DLGAP2: variants seen among roughly 807,000 people sequenced by gnomAD.
DLGAP2 encodes the protein DLG associated protein 2.
In DLGAP2, 26 loss-of-function variants were observed where a neutral mutation model predicts 100.3. The ratio of observed to expected loss-of-function variants is 0.26; its 90% CI spans 0.19 to 0.36. The LOEUF is 0.36. Ranked by LOEUF, DLGAP2 falls within the 10% of genes least tolerant of loss-of-function variation. The probability of loss-of-function intolerance (pLI) is 1.00; values close to 1 mark genes in which losing one functional copy is unlikely to be tolerated. For missense variants in DLGAP2, 1,858 were observed against 1,453.2 expected, an observed-to-expected ratio of 1.28 and a Z score of -4.53; for synonymous variants, 886 against 630.1, an observed-to-expected ratio of 1.41 and a Z score of -6.08.
chr8:1,164,550 G>A (rs180738513), intron 2 of DLGAP2, among the ~76,000 whole-genome samples: 46 of 152,116 alleles, frequency 3.0e-4, no homozygotes, highest in Non-Finnish European at 4.0e-4. Context: ...GTGGTGCCAC[G>A]GATGCTGCCC....
intron 1 of DLGAP2, among the ~76,000 whole-genome samples, chr8:794,655 C>G (rs1046404064): frequency 1.4e-5 from 2 of 147,852 alleles, no homozygotes; most frequent in African/African-American, 2.4e-5. Flanking sequence ...CCTGTAAACC[C>G]ACAACCTTCC....
At chr8:1,021,148 T>C (rs953160385) in intron 2 of DLGAP2, among the ~76,000 whole-genome samples, 4 of 152,218 alleles carry the variant, frequency 2.6e-5, no homozygotes, top group African/African-American at 9.6e-5. Context: ...AGTATATTCT[T>C]GGGAGTAAAT....
At chr8:1,359,709 A>C (rs1349390259) in intron 3 of DLGAP2, among the ~76,000 whole-genome samples, 1 of 152,240 alleles carries the variant, frequency 6.6e-6, no homozygotes, top group East Asian at 1.9e-4. Flanking sequence ...CTCAGCTCTT[A>C]TAAAACCCGC....
At chr8:877,474 C>T (rs1797706514) in intron 1 of DLGAP2, among the ~76,000 whole-genome samples, 1 of 152,216 alleles carries the variant, frequency 6.6e-6, no homozygotes, top group African/African-American at 2.4e-5. Flanking sequence ...GGCTTTCTTC[C>T]TCTCTGTCCC....
At chr8:1,330,368 GTTC>G (rs1460603263) in intron 3 of DLGAP2, among the ~76,000 whole-genome samples, 1 of 147,686 alleles carries the variant, frequency 6.8e-6, no homozygotes, top group Non-Finnish European at 1.5e-5. Flanking sequence ...GTGGGACTGA[GTTC>G]TGGGTGGGAG....
At chr8:1,638,720 G>A (rs1483366044) in intron 8 of DLGAP2, among the ~76,000 whole-genome samples, 1 of 152,184 alleles carries the variant, frequency 6.6e-6, no homozygotes, top group Non-Finnish European at 1.5e-5. Flanking sequence ...AGCCGTGGAT[G>A]AGGCCCAGAA....
At chr8:950,923 C>T (rs898753785) in intron 2 of DLGAP2, among the ~76,000 whole-genome samples, 2 of 151,854 alleles carry the variant, frequency 1.3e-5, no homozygotes, top group Non-Finnish European at 2.9e-5. Context: ...CGCGCTCGGC[C>T]CTAGAATATT....
At chr8:1,360,453 T>A (rs1801958090) in intron 3 of DLGAP2, among the ~76,000 whole-genome samples, 1 of 136,496 alleles carries the variant, frequency 7.3e-6, no homozygotes, top group South Asian at 2.6e-4. Flanking sequence ...TTTTGCCCAC[T>A]CCAGGAAGCA....
chr8:1,295,497 C>A (rs1800150743), intron 3 of DLGAP2, among the ~76,000 whole-genome samples: 1 of 152,172 alleles, frequency 6.6e-6, no homozygotes, highest in African/African-American at 2.4e-5. Flanking sequence ...CACTCTCTGT[C>A]CACCGTGATC....
chr8:1,653,572 C>G (rs533941278), intron 8 of DLGAP2, among the ~76,000 whole-genome samples: 2 of 152,212 alleles, frequency 1.3e-5, no homozygotes, highest in African/African-American at 4.8e-5. Context: ...GCAGGACCAA[C>G]GGCAGCCCTC....
At chr8:1,294,925 T>C (rs1800137489) in intron 3 of DLGAP2, among the ~76,000 whole-genome samples, 1 of 152,064 alleles carries the variant, frequency 6.6e-6, no homozygotes, top group African/African-American at 2.4e-5. Flanking sequence ...TATGTAGCAG[T>C]TGATGACTTG....
At chr8:1,623,580 C>T (rs1314292979) in intron 6 of DLGAP2, among the ~76,000 whole-genome samples, 1 of 151,152 alleles carries the variant, frequency 6.6e-6, no homozygotes, top group Non-Finnish European at 1.5e-5. Flanking sequence ...GATGACCTGA[C>T]ACCAGTGTGT....
At chr8:1,606,426 A>G (rs1218764430) in intron 6 of DLGAP2, among the ~76,000 whole-genome samples, 2 of 151,656 alleles carry the variant, frequency 1.3e-5, no homozygotes, top group African/African-American at 4.9e-5. Flanking sequence ...AACTCCTCCA[A>G]CCCCTGGCAA....
At chr8:1,264,872 G>C (rs372806329) in intron 3 of DLGAP2, among the ~76,000 whole-genome samples, 1 of 152,086 alleles carries the variant, frequency 6.6e-6, no homozygotes, top group Non-Finnish European at 1.5e-5. Context: ...AGTCTTTCCC[G>C]TGCTGTTCTC....
At chr8:949,564 A>G (rs1217610209) in intron 2 of DLGAP2, among the ~76,000 whole-genome samples, 1 of 152,176 alleles carries the variant, frequency 6.6e-6, no homozygotes, top group Admixed American at 6.5e-5. Flanking sequence ...AGGACCCCAC[A>G]CGTGGGCGCG....
intron 4 of DLGAP2, among the ~76,000 whole-genome samples, chr8:1,547,500 A>C (rs1355477759): frequency 6.6e-6 from 1 of 151,698 alleles, no homozygotes; most frequent in African/African-American, 2.4e-5. Context: ...CCTGGGATGG[A>C]GGAGGCAGAT....
intron 6 of DLGAP2, among the ~76,000 whole-genome samples, chr8:1,567,585 C>A (rs962515813): frequency 6.6e-6 from 1 of 152,210 alleles, no homozygotes; most frequent in African/African-American, 2.4e-5. Context: ...ATCACTGCCA[C>A]GGGTCCCCCA....
intron 2 of DLGAP2, among the ~76,000 whole-genome samples, chr8:1,055,666 C>T (rs956111457): frequency 2.6e-5 from 4 of 152,130 alleles, no homozygotes; most frequent in Non-Finnish European, 5.9e-5. Flanking sequence ...CGTTGGTCAC[C>T]GTCTTCCAGC....
intron 3 of DLGAP2, among the ~76,000 whole-genome samples, chr8:1,330,213 A>C (rs1801117084): frequency 6.8e-6 from 1 of 147,254 alleles, no homozygotes; most frequent in African/African-American, 2.5e-5. Flanking sequence ...GGGTGAGAGC[A>C]CTACTTCACA....
Sources: gnomAD v4.1 joint callset for allele counts (sites outside exome capture counted in the v4.1 genomes callset) on GRCh38, gnomAD v4.1.1 for gene constraint, MANE v1.5 for transcripts, NCBI Gene and HGNC (gene_info 2026-07-23, HGNC 2026-07-21) for gene names.